ARHGAP15: variants seen among roughly 807,000 people sequenced by gnomAD.
ARHGAP15 encodes the protein rho GTPase-activating protein 15.
In ARHGAP15, 51 loss-of-function variants were observed where a neutral mutation model predicts 63.7. The observed-to-expected ratio is 0.80, with a 90% CI of 0.64 to 1.01. The LOEUF (loss-of-function observed/expected upper bound fraction) is 1.01, where lower values mean the gene tolerates loss of function less well. Among genes scored for constraint, ARHGAP15 ranks in the 50% least tolerant of loss-of-function variants. The pLI, the probability that ARHGAP15 is intolerant of heterozygous loss-of-function variation, is 0.00. For synonymous variants in ARHGAP15, 191 were observed against 193.8 expected (o/e 0.99, Z 0.12); for missense variants, 560 against 564.6 (o/e 0.99, Z 0.08).
chr2:143,248,643 C>T (rs73962384), intron 5 of ARHGAP15, among the ~76,000 whole-genome samples: 4,423 of 152,202 alleles, frequency 0.029, 238 homozygotes, highest in African/African-American at 0.1. Flanking sequence ...TGTAAGATTT[C>T]ACAGAATCAT....
At chr2:143,458,173 C>T (rs1411612181) in intron 8 of ARHGAP15, among the ~76,000 whole-genome samples, 2 of 152,020 alleles carry the variant, frequency 1.3e-5, no homozygotes, top group Non-Finnish European at 2.9e-5. Flanking sequence ...AAAAAGGTCC[C>T]AGGTCTAAAG....
rs138650851 is a variant in ARHGAP15 at position 143,393,850 on chromosome 2, C to T, written c.475-41751C>T. ...CAGAAACACTTCAAATTGCTATTAC[C>T]GTACAGCCGATCTGACTGTAGGAAG... On this transcript the variant is annotated intron_variant, in intron 6 of 13. Coordinates refer to ENST00000295095, the MANE Select transcript of ARHGAP15 (RefSeq NM_018460.4). 2.7e-3 allele frequency among the ~76,000 whole-genome samples: 408 copies of T among 151,964 alleles called. 1 individual carries two copies. Among genetic ancestry groups the T allele is most frequent in the Non-Finnish European group, 4.3e-3 (291 of 67,974 alleles).
intron 10 of ARHGAP15, among the ~76,000 whole-genome samples, chr2:143,521,046 T>C (rs1049650854): frequency 6.6e-6 from 1 of 152,214 alleles, no homozygotes; most frequent in Non-Finnish European, 1.5e-5. Context: ...AATAAGACAA[T>C]GTTTTTGCTG....
chr2:143,702,132 A>G (rs748724445), intron 12 of ARHGAP15, among the ~76,000 whole-genome samples: 1 of 152,134 alleles, frequency 6.6e-6, no homozygotes, highest in Non-Finnish European at 1.5e-5. Flanking sequence ...CTTATTTTCC[A>G]GCTGTGGCCT....
intron 6 of ARHGAP15, among the ~76,000 whole-genome samples, chr2:143,398,174 G>T (rs1553474470): frequency 6.6e-6 from 1 of 152,086 alleles, no homozygotes; most frequent in Non-Finnish European, 1.5e-5. Flanking sequence ...GGACTCAAGA[G>T]GTGCTGGGGA....
chr2:143,531,500 A>G (rs1694523246), intron 10 of ARHGAP15, among the ~76,000 whole-genome samples: 2 of 152,222 alleles, frequency 1.3e-5, no homozygotes, highest in Non-Finnish European at 2.9e-5. Flanking sequence ...TAGCAGGTTT[A>G]TAGGGTAAGA....
At chr2:143,389,134 A>ATTTTT (rs869247380) in intron 6 of ARHGAP15, among the ~76,000 whole-genome samples, 2 of 138,560 alleles carry the variant, frequency 1.4e-5, no homozygotes, top group African/African-American at 5.2e-5. Flanking sequence ...TATTATTATT[A>ATTTTT]TTTTTTATTA....
intron 12 of ARHGAP15, among the ~76,000 whole-genome samples, chr2:143,639,695 A>G (rs967096226): frequency 6.6e-6 from 1 of 152,116 alleles, no homozygotes; most frequent in Admixed American, 6.6e-5. Flanking sequence ...TGTGTTATTT[A>G]ATTAAAAGGT....
intron 6 of ARHGAP15, among the ~76,000 whole-genome samples, chr2:143,371,262 A>G (rs1686537523): frequency 6.6e-6 from 1 of 152,204 alleles, no homozygotes; most frequent in Admixed American, 6.5e-5. Context: ...TTAACCTGTC[A>G]TCTAGGTTTT....
chr2:143,414,909 A>G (rs1688610932), intron 6 of ARHGAP15, among the ~76,000 whole-genome samples: 1 of 152,202 alleles, frequency 6.6e-6, no homozygotes. Flanking sequence ...AGCCCGGGCA[A>G]CAGAGCAAGA....
intron 9 of ARHGAP15, among the ~76,000 whole-genome samples, chr2:143,509,286 CTTAGAAGTTAAAGTAATTA>C (rs1693466414): frequency 1.3e-5 from 2 of 150,630 alleles, no homozygotes; most frequent in African/African-American, 2.4e-5. Flanking sequence ...TTCCAAACTA[CTTAGAAGTTAAAGTAATTA>C]AGCTTTTTCT....
intron 9 of ARHGAP15, among the ~76,000 whole-genome samples, chr2:143,497,291 T>TA (rs2104923981): frequency 6.6e-6 from 1 of 152,280 alleles, no homozygotes; most frequent in African/African-American, 2.4e-5. Flanking sequence ...AAAGTCAGGC[T>TA]AGGGTGGTAG....
intron 6 of ARHGAP15, among the ~76,000 whole-genome samples, chr2:143,333,781 T>C (rs1574291723): frequency 1.3e-5 from 2 of 152,214 alleles, no homozygotes; most frequent in Admixed American, 6.5e-5. Flanking sequence ...TCGGGAAATA[T>C]AGATATAGAA....
At chr2:143,508,130 C>A (rs1052376687) in intron 9 of ARHGAP15, among the ~76,000 whole-genome samples, 8 of 152,122 alleles carry the variant, frequency 5.3e-5, no homozygotes, top group African/African-American at 9.7e-5. Flanking sequence ...CCTGCTTTGA[C>A]CCTGAGGCTA....
intron 6 of ARHGAP15, among the ~76,000 whole-genome samples, chr2:143,337,083 G>T (rs1397934770): frequency 6.6e-6 from 1 of 152,106 alleles, no homozygotes; most frequent in Non-Finnish European, 1.5e-5. Context: ...CAGAGGGAGG[G>T]AGTTTTCGGT....
rs551924800 is a variant in ARHGAP15, at chr2:143,381,551, C to G, written c.475-54050C>G. On this transcript the variant is annotated intron_variant, in intron 6 of 13. Transcript: ENST00000295095. ...GATTTACTTTTCATTTTTAATGGCC[C>G]CAACAGATGTTGGAGGAATCCTCTA... 2.5e-4 allele frequency among the ~76,000 whole-genome samples: 38 copies of G among 152,202 alleles called. 1 individual carries two copies. The South Asian group carries it at 7.5e-3, about 30-fold the overall frequency.
intron 10 of ARHGAP15, among the ~76,000 whole-genome samples, chr2:143,554,497 T>A (rs1024960611): frequency 6.6e-5 from 10 of 152,108 alleles, no homozygotes; most frequent in African/African-American, 2.4e-4. Context: ...TCAGTAGCTA[T>A]ATGCTCAAAA....
At chr2:143,497,519 T>C (rs763738114) in intron 9 of ARHGAP15, among the ~76,000 whole-genome samples, 1 of 152,182 alleles carries the variant, frequency 6.6e-6, no homozygotes, top group Non-Finnish European at 1.5e-5. Flanking sequence ...TACCGCATAG[T>C]TCCCTCCTGA....
At position 143,479,422 on chromosome 2, in the gene ARHGAP15, C is replaced by T. The variant is rs1574505846; in HGVS notation, c.704-7951C>T. ...ATTTGATTTGGCTGTGGCCTGTTTT[C>T]TATCACTAGAAGAGAACCCATTCCT... On this transcript the variant is annotated intron_variant, in intron 8 of 13. Transcript: ENST00000295095. Among the ~76,000 whole-genome samples the T allele has an allele frequency of 8.0e-5, 12 of 150,912 alleles. No individual in the cohort carries two copies. The South Asian group carries it at 2.5e-3, about 31-fold the overall frequency.
Sources: gnomAD v4.1 joint callset for allele counts (sites outside exome capture counted in the v4.1 genomes callset) on GRCh38, gnomAD v4.1.1 for gene constraint, MANE v1.5 for transcripts, NCBI Gene and HGNC (gene_info 2026-07-23, HGNC 2026-07-21) for gene names.